Variants in PRPF39 observed in about 807,000 individuals in gnomAD.
The protein encoded by PRPF39 is pre-mRNA processing factor 39.
In PRPF39, 27 loss-of-function variants were observed where a neutral mutation model predicts 82.1. The observed-to-expected ratio is 0.33, with a 90% CI of 0.24 to 0.45. The LOEUF is 0.45. Ranked by LOEUF, PRPF39 falls within the 20% of genes least tolerant of loss-of-function variation. PRPF39 has a pLI of 1.00. For synonymous variants in PRPF39, 261 were observed against 256.4 expected (o/e 1.02, Z -0.17); for missense variants, 581 against 796.9 (o/e 0.73, Z 3.26).
chr14:45,103,503 G>A (rs79561032), intron 5 of PRPF39, among the ~76,000 whole-genome samples: 1,546 of 151,966 alleles, frequency 0.01, 11 homozygotes, highest in Non-Finnish European at 0.017. Flanking sequence ...TACTTTTTAA[G>A]TGAGTGATTT....
At chr14:45,093,808 G>C (rs1321238719) in intron 1 of PRPF39, among the ~76,000 whole-genome samples, 2 of 152,044 alleles carry the variant, frequency 1.3e-5, no homozygotes, top group African/African-American at 4.8e-5. Context: ...GCCTGCCTCA[G>C]CCTCCCAAAG....
intron 12 of PRPF39, 97 bp downstream of exon 12, chr14:45,114,354 C>T: frequency 7.4e-7 from 1 of 1,348,390 alleles, no homozygotes. Context: ...TTGTAATTTA[C>T]ATACTTTATT....
At chr14:45,095,092 T>G (rs749452386) in intron 1 of PRPF39, 129 bp from the exon 2 acceptor site, 5 of 517,626 alleles carry the variant, frequency 9.7e-6, no homozygotes, top group Admixed American at 3.7e-5. Flanking sequence ...GATTCTGACT[T>G]GTAGGGGATT....
At chr14:45,096,529 T>C in intron 3 of PRPF39, 12 of 1,432,260 alleles carry the variant, frequency 8.4e-6, no homozygotes, top group Non-Finnish European at 1.1e-5. Flanking sequence ...CATTTATTTC[T>C]CATTTTCCAA....
intron 5 of PRPF39, among the ~76,000 whole-genome samples, chr14:45,106,086 A>T (rs768448245): frequency 6.6e-6 from 1 of 152,108 alleles, no homozygotes; most frequent in Non-Finnish European, 1.5e-5. Flanking sequence ...ACGGTGGCTC[A>T]CACCTGTAAT....
At chr14:45,097,711 A>G (rs1884245150) in intron 4 of PRPF39, among the ~76,000 whole-genome samples, 1 of 152,198 alleles carries the variant, frequency 6.6e-6, no homozygotes, top group South Asian at 2.1e-4. Context: ...ATATGCTTAT[A>G]TAAGCCATTT....
chr14:45,089,243 G>A lies in PRPF39; in HGVS notation c.-20+4994G>A, dbSNP rs148356643. Among the ~76,000 whole-genome samples the A allele has an allele frequency of 9.6e-4, 146 of 152,190 alleles. 1 individual carries two copies. Among genetic ancestry groups the A allele is most frequent in the Admixed American group, 3.0e-3 (46 of 15,280 alleles). ...TTATAGTTTTAGGTTTTACATTTAG[G>A]TCTTTACTTCATTTTAAGTTAATTT... On this transcript the variant is annotated intron_variant, in intron 1 of 13. Transcript: ENST00000355765.
Position 45,102,567 on chromosome 14 carries a change from T to A in PRPF39, c.608T>A (p.Phe203Tyr). ...GCTGTTCTAGCTGCAGGAACAGATT[T>A]CCGTTCTGACAGACTGTGGGAAATG... ...EHAVLAAGTD[F>Y]RSDRLWEMYI... Residue 203 changes from phenylalanine (F) to tyrosine (Y), a missense_variant, in exon 5 of 14, where the codon TTC becomes TAC. Transcript: ENST00000355765. The A allele has an allele frequency of 6.2e-7, 1 of 1,611,104 alleles. No individual in the cohort carries two copies. The highest frequency in any genetic ancestry group is 8.5e-7 in the Non-Finnish European group (1 of 1,178,912).
chr14:45,099,367 CAT>C (rs1328995169), intron 4 of PRPF39, among the ~76,000 whole-genome samples: 1 of 151,926 alleles, frequency 6.6e-6, no homozygotes, highest in Non-Finnish European at 1.5e-5. Context: ...TCCTATTTTT[CAT>C]ATCTTAGACT....
chr14:45,095,622 A>C (rs1358175365), intron 2 of PRPF39, 59 bp downstream of exon 2: 1 of 1,465,986 alleles, frequency 6.8e-7, no homozygotes, highest in Non-Finnish European at 9.0e-7. Flanking sequence ...TTAATTTATA[A>C]TGAAACAGTA....
chr14:45,094,654 G>A (rs1055185229), intron 1 of PRPF39, among the ~76,000 whole-genome samples: 35 of 152,150 alleles, frequency 2.3e-4, no homozygotes, highest in African/African-American at 8.2e-4. Flanking sequence ...ATATAATAAA[G>A]TTGAAACCTA....
chr14:45,115,462 TA>T lies in PRPF39; in HGVS notation c.*554del, dbSNP rs1884810163. The T allele has an allele frequency of 6.6e-6, 1 of 152,612 alleles. No individual in the cohort carries two copies. The highest frequency in any genetic ancestry group is 2.4e-5 in the African/African-American group (1 of 41,462). 9.5% of individuals were successfully genotyped at this position (152,612 alleles called of 1,614,324 possible). A position where few individuals can be genotyped will look rare whatever the true frequency, so the allele number is the denominator to read the frequency against. On this transcript the variant is annotated 3_prime_UTR_variant, in exon 14 of 14. Transcript: ENST00000355765. ...AGAAAATGGAATGTTTGCATCCCTT[TA>T]AAAATGAAAATCATATCAAAAGTAT...
chr14:45,112,829 T>C (rs1393582568), intron 11 of PRPF39, among the ~76,000 whole-genome samples: 1 of 152,142 alleles, frequency 6.6e-6, no homozygotes, highest in South Asian at 2.1e-4. Context: ...AACCCAAATA[T>C]TTAATATATA....
intron 10 of PRPF39, among the ~76,000 whole-genome samples, chr14:45,111,583 C>T (rs1029022281): frequency 1.1e-4 from 17 of 148,682 alleles, no homozygotes; most frequent in African/African-American, 3.0e-4. Flanking sequence ...TTGCCTGCCT[C>T]GGCCTCCCAA....
chr14:45,114,762 C>A, intron 13 of PRPF39, 95 bp from the exon 14 acceptor site: 1 of 1,389,208 alleles, frequency 7.2e-7, no homozygotes, highest in Non-Finnish European at 1.0e-6. Flanking sequence ...TGAACACTTG[C>A]TTGTTTTCTT....
rs1345374523 is a variant in PRPF39 at position 45,095,325 on chromosome 14, C to T, written c.86C>T (p.Thr29Ile). ...NSSEVVVEHP[T>I]DFSTEIMNVT... ...TCAGAGGTAGTGGTAGAACATCCTA[C>T]TGATTTCAGTACTGAGATTATGAAC... Residue 29 changes from threonine (T) to isoleucine (I), a missense_variant, in exon 2 of 14, where the codon ACT becomes ATT. Coordinates refer to ENST00000355765, the MANE Select transcript of PRPF39 (RefSeq NM_017922.4). The T allele has an allele frequency of 6.2e-7, 1 of 1,613,302 alleles. No individual in the cohort carries two copies. Among genetic ancestry groups the T allele is most frequent in the Non-Finnish European group, 8.5e-7 (1 of 1,179,292 alleles).
At chr14:45,097,222 G>GGTTA (rs1055783945) in intron 4 of PRPF39, among the ~76,000 whole-genome samples, 27 of 151,976 alleles carry the variant, frequency 1.8e-4, no homozygotes, top group African/African-American at 5.6e-4. Flanking sequence ...CACTCCTCAA[G>GGTTA]GTTAATAGCT....
chr14:45,085,772 T>C (rs1314596710), intron 1 of PRPF39, among the ~76,000 whole-genome samples: 1 of 152,184 alleles, frequency 6.6e-6, no homozygotes, highest in Non-Finnish European at 1.5e-5. Context: ...CCAGATTGCC[T>C]TGTGGATGAG....
chr14:45,106,651 A>G (rs1287095358), intron 5 of PRPF39, among the ~76,000 whole-genome samples: 2 of 152,078 alleles, frequency 1.3e-5, no homozygotes, highest in Non-Finnish European at 2.9e-5. Flanking sequence ...TGATTAGGAG[A>G]AAGGTTTGGA....
Sources: gnomAD v4.1 joint callset for allele counts (sites outside exome capture counted in the v4.1 genomes callset) on GRCh38, gnomAD v4.1.1 for gene constraint, MANE v1.5 for transcripts, NCBI Gene and HGNC (gene_info 2026-07-23, HGNC 2026-07-21) for gene names.